MUC5B: variants seen among roughly 807,000 people sequenced by gnomAD.
MUC5B encodes mucin-5B.
Under a neutral mutation model 376.9 loss-of-function variants are expected in MUC5B, and 116 were observed. The ratio of observed to expected loss-of-function variants is 0.31; its 90% CI spans 0.26 to 0.36. The LOEUF (loss-of-function observed/expected upper bound fraction) is 0.36. MUC5B is among the 10% of genes least tolerant of loss of function. MUC5B has a pLI of 1.00. For synonymous variants in MUC5B, 3,517 were observed against 3,390.9 expected (o/e 1.04, Z -1.29); for missense variants, 7,165 against 7,769.9 (o/e 0.92, Z 2.93).
chr11:1,251,167 A>C lies in MUC5B; in HGVS notation c.14287A>C (p.Thr4763Pro). ...IPSSTLWTTW[T>P]VPAQTTTPMS... is the part of the protein sequence containing the mutation. Reference sequence around the variant, plus strand: ...CTCCTCCACCCTGTGGACCACGTGGACCGTCCCAGCACAGACCACCACACC... The same window carrying C: ...CTCCTCCACCCTGTGGACCACGTGGCCCGTCCCAGCACAGACCACCACACC... The change falls in exon 31 of 49, where the codon ACC (threonine) becomes CCC (proline). Residue 4763 changes from threonine (T) to proline (P), a missense_variant. By Grantham distance (38) the Thr-to-Pro change is conservative (BLOSUM62 -1). Around this residue, in one of 31 missense-constraint regions of MUC5B, gnomAD observed 730 missense variants for 592.7 expected, o/e 1.23. Transcript: ENST00000529681. 1.2e-6 allele frequency: 2 copies of C among 1,610,750 alleles called. No individual in the cohort carries two copies. Among genetic ancestry groups the C allele is most frequent in the Non-Finnish European group, 1.7e-6 (2 of 1,178,110 alleles).
chr11:1,255,123 G>C lies in MUC5B; in HGVS notation c.15747G>C (p.Thr5249=). 2 of 1,582,078 alleles carry C rather than the reference G, an allele frequency of 1.3e-6. No homozygotes were observed. The highest frequency in any genetic ancestry group is 1.7e-6 in the Non-Finnish European group (2 of 1,165,446). Residue 5249 remains threonine, a synonymous_variant, in exon 36 of 49, where the codon ACG becomes ACC. Transcript: ENST00000529681. ...CCAGTTGCAAGGACATGGCCAAGACGTGGCTGGTCCCCGACAGCAGAAAGG... is the reference window on the plus strand; with the variant it reads ...CCAGTTGCAAGGACATGGCCAAGACCTGGCTGGTCCCCGACAGCAGAAAGG... ...TAASCKDMAK[T]WLVPDSRKDG... is the part of the protein sequence containing the mutation.
Position 1,246,737 on chromosome 11 carries a change from C to A in MUC5B, c.9857C>A (p.Thr3286Lys), listed in dbSNP as rs761779132. The change falls in exon 31 of 49, where the codon ACA (threonine) becomes AAA (lysine). Residue 3286 changes from threonine (T) to lysine (K), a missense_variant. Physicochemically the swap from Thr to Lys is moderately conservative, Grantham distance 78. Coordinates refer to ENST00000529681, the MANE Select transcript of MUC5B (RefSeq NM_002458.3). ...ACAGTGCTTACCACCACGACCACCA[C>A]AACCAGGGCCACCGGCTCTGTGGCC... is the stretch of plus-strand genomic sequence containing the variant. ...TSTVLTTTTT[T>K]TRATGSVATP... 2.5e-6 allele frequency: 4 copies of A among 1,608,642 alleles called. No individual in the cohort carries two copies. The highest frequency in any genetic ancestry group is 1.7e-5 in the Admixed American group (1 of 59,914).
chr11:1,249,351 C>T lies in MUC5B; in HGVS notation c.12471C>T (p.Asn4157=), dbSNP rs201451341. The T allele has an allele frequency of 0.029, 46,565 of 1,610,006 alleles. No homozygotes were observed. The highest frequency in any genetic ancestry group is 0.032 in the Non-Finnish European group (37,586 of 1,178,992). Residue 4157 remains asparagine (N), a synonymous_variant, in exon 31 of 49, where the codon AAC becomes AAT. Coordinates refer to ENST00000529681, the MANE Select transcript of MUC5B (RefSeq NM_002458.3). ...GCGGGGACTTTGACACCTACTCCAA[C>T]ATCCGTGCGGCCGGAGGGGCCGTCT... ...PSGGDFDTYS[N]IRAAGGAVCE... is the part of the protein sequence containing the mutation.
Position 1,237,004 on chromosome 11 carries a change from G to A in MUC5B, c.3137G>A (p.Gly1046Glu). 2.5e-6 allele frequency: 4 copies of A among 1,574,620 alleles called. No homozygotes were observed. Among genetic ancestry groups the A allele is most frequent in the Non-Finnish European group, 3.4e-6 (4 of 1,160,062 alleles). ...GCCACGCGTAGCCGGTCCGTGGTGG[G>A]GGACGCACTGGAGTTTGGGAACAGC... The part of the protein sequence containing the change: ...DFATRSRSVV[G>E]DALEFGNSWK... Residue 1046 changes from glycine (G) to glutamate (E), a missense_variant, in exon 25 of 49, where the codon GGG becomes GAG. Gly to Glu is a moderately conservative substitution (Grantham distance 98, BLOSUM62 -2). Coordinates refer to ENST00000529681, the MANE Select transcript of MUC5B (RefSeq NM_002458.3).
rs757852692 is a variant in MUC5B, at chr11:1,242,706, G to A, written c.5826G>A (p.Thr1942=). 2.2e-5 allele frequency: 35 copies of A among 1,611,582 alleles called. No individual in the cohort carries two copies. The highest frequency in any genetic ancestry group is 1.6e-4 in the Middle Eastern group (1 of 6,076). Residue 1942 remains threonine, a synonymous_variant, in exon 31 of 49, where the codon ACG becomes ACA. Coordinates refer to ENST00000529681, the MANE Select transcript of MUC5B (RefSeq NM_002458.3). ...TAPPPKVLTT[T]ATTPTVTSSK... ...CCCCTCCCAAAGTGCTGACCACCACGGCCACCACACCCACAGTCACCAGCT... is the reference window on the plus strand; with the variant it reads ...CCCCTCCCAAAGTGCTGACCACCACAGCCACCACACCCACAGTCACCAGCT...
At chr11:1,226,448 CA>C in intron 3 of MUC5B, 166 bp from the exon 4 acceptor site, 1 of 1,268,106 alleles carries the variant, frequency 7.9e-7, no homozygotes, top group South Asian at 1.3e-5. Flanking sequence ...GGGGACGGGT[CA>C]GGGGTCTTGG....
Position 1,233,833 on chromosome 11 carries a change from C to A in MUC5B, c.2362C>A (p.Leu788Met). 1 of 1,603,852 alleles carries A rather than the reference C, an allele frequency of 6.2e-7. No homozygotes were observed. The highest frequency in any genetic ancestry group is 2.3e-5 in the East Asian group (1 of 44,342). The change falls in exon 19 of 49, where the codon CTG becomes ATG. Residue 788 changes from leucine to methionine, a missense_variant. Physicochemically the swap from Leu to Met is conservative, Grantham distance 15 (BLOSUM62 2). Around this residue, in one of 31 missense-constraint regions of MUC5B, gnomAD observed 530 missense variants for 604.0 expected, o/e 0.88. Coordinates refer to ENST00000529681, the MANE Select transcript of MUC5B (RefSeq NM_002458.3). ...GGKLSCLGAS[L>M]QKSTGCAAPM... ...GAAGCTAAGCTGCCTGGGAGCCTCT[C>A]TGCAGAAAAGCACAGGTAAGTGCCA... is the stretch of plus-strand genomic sequence containing the variant.
chr11:1,238,830 G>A (rs1200912495), intron 25 of MUC5B, 41 bp from the exon 26 acceptor site: 4 of 1,534,224 alleles, frequency 2.6e-6, no homozygotes, highest in African/African-American at 2.7e-5. Context: ...GGCCGGGGGG[G>A]CCATTGTCCC....
rs1862224870 is a variant in MUC5B at position 1,239,288 on chromosome 11, G to A, written c.3455-150G>A. The A allele has an allele frequency of 2.8e-6, 3 of 1,077,260 alleles. No individual in the cohort carries two copies. The East Asian group carries it at 7.8e-5, about 28-fold the overall frequency. 66.7% of individuals were successfully genotyped at this position (1,077,260 alleles called of 1,614,324 possible). On this transcript the variant is annotated intron_variant, in intron 26 of 48. Coordinates refer to ENST00000529681, the MANE Select transcript of MUC5B (RefSeq NM_002458.3). ...GGCTGGGGAGTGGAGGGGAAGGTGA[G>A]GCACCACCCGGCCGAGGCCCTGCAT...
Position 1,257,518 on chromosome 11 carries a change from G to T in MUC5B, c.16270-12G>T. On this transcript the variant is annotated splice_polypyrimidine_tract_variant and intron_variant, in intron 40 of 48. Coordinates refer to ENST00000529681, the MANE Select transcript of MUC5B (RefSeq NM_002458.3). This position sits in a 1 kb window ranked among gnomAD's most constrained non-coding sequence, Gnocchi z 8.9. Reference sequence around the variant, plus strand: ...TCCAGGAGCCCTCAGGGACCCCCTTGATCCATTCCAGCCCGGGGAGCGGTG... The same window carrying T: ...TCCAGGAGCCCTCAGGGACCCCCTTTATCCATTCCAGCCCGGGGAGCGGTG... 1 of 1,607,498 alleles carries T rather than the reference G, an allele frequency of 6.2e-7. No homozygotes were observed.
At position 1,251,573 on chromosome 11, in the gene MUC5B, C is replaced by A; in HGVS notation, c.14693C>A (p.Ser4898Tyr). Reference sequence around the variant, plus strand: ...ACTGCCTCCACGGTTCCCAGCTCGTCCACCGTGGGGACCACCCGCACCCCT... The same window carrying A: ...ACTGCCTCCACGGTTCCCAGCTCGTACACCGTGGGGACCACCCGCACCCCT... ...TATASTVPSS[S>Y]TVGTTRTPAV... is the part of the protein sequence containing the mutation. The change falls in exon 31 of 49, where the codon TCC becomes TAC. Residue 4898 changes from serine to tyrosine, a missense_variant. Coordinates refer to ENST00000529681, the MANE Select transcript of MUC5B (RefSeq NM_002458.3). The A allele has an allele frequency of 1.2e-6, 2 of 1,612,922 alleles. No homozygotes were observed. The highest frequency in any genetic ancestry group is 2.2e-5 in the South Asian group (2 of 91,074).
chr11:1,249,815 C>G lies in MUC5B; in HGVS notation c.12935C>G (p.Thr4312Arg), dbSNP rs548831566. ...PRTATTLPVL[T>R]STATKSTATS... ...ACTGCAACCACCCTTCCAGTGCTGA[C>G]AAGCACAGCCACCAAATCCACAGCT... is the stretch of plus-strand genomic sequence containing the variant. Residue 4312 changes from threonine to arginine, a missense_variant, in exon 31 of 49, where the codon ACA becomes AGA. Coordinates refer to ENST00000529681, the MANE Select transcript of MUC5B (RefSeq NM_002458.3). 1.7e-5 allele frequency: 28 copies of G among 1,613,556 alleles called. No homozygotes were observed. The East Asian group carries it at 5.4e-4, about 31-fold the overall frequency.
At chr11:1,227,554 C>T (rs1404455402) in intron 6 of MUC5B, 121 bp from the exon 7 acceptor site, 9 of 681,758 alleles carry the variant, frequency 1.3e-5, no homozygotes, top group Admixed American at 2.1e-5. Flanking sequence ...GAGTGCCCCT[C>T]GGGGGTGTTG....
chr11:1,236,733 G>A (rs915160100), intron 24 of MUC5B, among the ~76,000 whole-genome samples, 171 bp downstream of exon 24: 1 of 152,142 alleles, frequency 6.6e-6, no homozygotes, highest in African/African-American at 2.4e-5. Flanking sequence ...AGGGAAGCAG[G>A]TGCCACCCAG....
intron 3 of MUC5B, 139 bp from the exon 4 acceptor site, chr11:1,226,476 T>TC: frequency 7.5e-7 from 1 of 1,340,012 alleles, no homozygotes; most frequent in Non-Finnish European, 1.0e-6. Context: ...ACAGACGCAG[T>TC]CCAGGGTGAG....
rs1862760541 is a variant in MUC5B at position 1,253,695 on chromosome 11, C to T, written c.15218-397C>T. On this transcript the variant is annotated intron_variant, in intron 33 of 48. Coordinates refer to ENST00000529681, the MANE Select transcript of MUC5B (RefSeq NM_002458.3). The surrounding 1 kb of genome is among the most constrained non-coding windows in gnomAD (Gnocchi z 4.3). ...TTTGGGGACTCCAGGTGTCCTTTGG[C>T]TGTGGCTGCATCCCTCCGATCTCTG... Among the ~76,000 whole-genome samples, 1 of 152,118 alleles carries T rather than the reference C, an allele frequency of 6.6e-6. No homozygotes were observed. The highest frequency in any genetic ancestry group is 2.1e-4 in the South Asian group (1 of 4,818).
Position 1,254,790 on chromosome 11 carries a change from G to A in MUC5B, c.15574G>A (p.Ala5192Thr), listed in dbSNP as rs764813669. Residue 5192 changes from alanine to threonine, a missense_variant, in exon 35 of 49, where the codon GCC becomes ACC. This residue lies in a region of MUC5B where 842 missense variants were observed against 1,016.9 expected (regional missense o/e 0.83). Coordinates refer to ENST00000529681, the MANE Select transcript of MUC5B (RefSeq NM_002458.3). ...GTTTMRVDIPALGVSVTFNGQ... is the reference protein window; with the variant it reads ...GTTTMRVDIPTLGVSVTFNGQ... Reference sequence around the variant, plus strand: ...CACCACCATGCGTGTGGACATTCCTGCCCTGGGCGTGAGCGTCACCTTCAA... The same window carrying A: ...CACCACCATGCGTGTGGACATTCCTACCCTGGGCGTGAGCGTCACCTTCAA... 1 of 1,612,836 alleles carries A rather than the reference G, an allele frequency of 6.2e-7. No individual in the cohort carries two copies. Among genetic ancestry groups the A allele is most frequent in the East Asian group, 2.2e-5 (1 of 44,882 alleles).
intron 30 of MUC5B, 57 bp downstream of exon 30, chr11:1,240,432 C>T: frequency 6.8e-7 from 1 of 1,478,992 alleles, no homozygotes; most frequent in South Asian, 1.3e-5. Context: ...AAGGAGGACC[C>T]CCTGGGCTCT....
chr11:1,226,363 C>A (rs939543457), intron 3 of MUC5B, 87 bp downstream of exon 3: 1 of 1,473,858 alleles, frequency 6.8e-7, no homozygotes, highest in African/African-American at 1.4e-5. Context: ...GCAGCTGCCA[C>A]CAGGTGGGGC....
Sources: allele counts gnomAD v4.1 joint callset (sites outside exome capture counted in the v4.1 genomes callset), GRCh38; gene constraint gnomAD v4.1.1; regional missense constraint gnomAD v4.1.1; non-coding constraint Gnocchi (gnomAD v3.1); transcripts MANE v1.5; gene names NCBI Gene and HGNC (gene_info 2026-07-23, HGNC 2026-07-21).